The following ROBO1 variants were observed in gnomAD, a reference collection of about 807,000 sequenced individuals.
The protein encoded by ROBO1 is roundabout homolog 1.
A neutral mutation model predicts 195.9 loss-of-function variants in ROBO1; 149 were observed. The observed-to-expected ratio is 0.76, with a 90% CI of 0.67 to 0.87. The LOEUF is 0.87. Ranked by LOEUF, ROBO1 falls within the 40% of genes least tolerant of loss-of-function variation. The pLI, the probability that ROBO1 is intolerant of heterozygous loss-of-function variation, is 0.00. For synonymous variants in ROBO1, 816 were observed against 733.2 expected, an observed-to-expected ratio of 1.11 and a Z score of -1.82; for missense variants, 1,933 against 2,068.3, an observed-to-expected ratio of 0.93 and a Z score of 1.27.
At chr3:79,138,843 T>C (rs140693415) in intron 2 of ROBO1, among the ~76,000 whole-genome samples, 5 of 152,000 alleles carry the variant, frequency 3.3e-5, no homozygotes, top group Admixed American at 6.6e-5. Context: ...GACATAAATA[T>C]AAGTATAGAT....
At chr3:79,461,498 T>C (rs898987948) in intron 2 of ROBO1, among the ~76,000 whole-genome samples, 1 of 152,136 alleles carries the variant, frequency 6.6e-6, no homozygotes, top group Non-Finnish European at 1.5e-5. Flanking sequence ...GCATCAAGCA[T>C]GAGAGTGAAG....
chr3:79,553,545 G>A (rs1942596848), intron 2 of ROBO1, among the ~76,000 whole-genome samples: 2 of 152,050 alleles, frequency 1.3e-5, no homozygotes, highest in South Asian at 4.1e-4. Context: ...AGTGTTTACT[G>A]TGTGGTCATA....
At position 79,369,296 on chromosome 3, in the gene ROBO1, C is replaced by T. The variant is rs532024392; in HGVS notation, c.88+220528G>A. ...CTGCTAATCACATAGAAATCTAAAT[C>T]CCTCCTGTGGAAAAAATAAACATGG... On this transcript the variant is annotated intron_variant, in intron 2 of 30. Coordinates refer to ENST00000464233, the MANE Select transcript of ROBO1 (RefSeq NM_002941.4). Among the ~76,000 whole-genome samples the T allele has an allele frequency of 4.6e-5, 7 of 152,278 alleles. No individual in the cohort carries two copies. The South Asian group carries it at 1.0e-3, about 23-fold the overall frequency.
chr3:79,150,467 G>A (rs1006680447), intron 2 of ROBO1, among the ~76,000 whole-genome samples: 3 of 151,356 alleles, frequency 2.0e-5, no homozygotes, highest in Non-Finnish European at 4.4e-5. Context: ...TGCCATTGGA[G>A]GTATTTAAAA....
At position 78,938,666 on chromosome 3, in the gene ROBO1, T is replaced by TA; in HGVS notation, c.433dup (p.Tyr145LeufsTer27). ...AAGGTAATTCCTTGCTACACAGACA[T>TA]AGACTCCTTCATCAGGTCTACTTTT... On this transcript the variant is annotated frameshift_variant, in exon 4 of 31. Coordinates refer to ENST00000464233, the MANE Select transcript of ROBO1 (RefSeq NM_002941.4). LOFTEE classifies it high-confidence loss of function. The TA allele has an allele frequency of 1.2e-6, 2 of 1,613,970 alleles. No homozygotes were observed. The highest frequency in any genetic ancestry group is 1.7e-6 in the Non-Finnish European group (2 of 1,179,886).
chr3:79,477,212 A>T (rs770850552), intron 2 of ROBO1, among the ~76,000 whole-genome samples: 5 of 152,190 alleles, frequency 3.3e-5, no homozygotes, highest in Non-Finnish European at 7.4e-5. Flanking sequence ...TAATATAGGC[A>T]TATCATTATT....
At chr3:79,544,248 T>C (rs1942181670) in intron 2 of ROBO1, among the ~76,000 whole-genome samples, 1 of 151,980 alleles carries the variant, frequency 6.6e-6, no homozygotes, top group African/African-American at 2.4e-5. Flanking sequence ...CTAATCTACA[T>C]TAATATATAT....
intron 2 of ROBO1, among the ~76,000 whole-genome samples, chr3:79,471,330 C>A (rs1311133788): frequency 6.6e-6 from 1 of 152,066 alleles, no homozygotes; most frequent in African/African-American, 2.4e-5. Context: ...CAGGCTTTTG[C>A]ACAGCAAAGA....
intron 4 of ROBO1, among the ~76,000 whole-genome samples, chr3:78,902,257 T>G (rs1038480989): frequency 3.3e-5 from 5 of 152,158 alleles, no homozygotes; most frequent in African/African-American, 7.2e-5. Flanking sequence ...AGCAGAGGTG[T>G]TTTTAGTATG....
intron 4 of ROBO1, among the ~76,000 whole-genome samples, chr3:78,838,437 G>A (rs1441364303): frequency 6.6e-6 from 1 of 152,024 alleles, no homozygotes; most frequent in East Asian, 1.9e-4. Context: ...ACTTACAAAG[G>A]AAAAAAGGGT....
At chr3:78,744,397 G>A (rs77862438) in intron 5 of ROBO1, among the ~76,000 whole-genome samples, 11,367 of 152,122 alleles carry the variant, frequency 0.075, 877 homozygotes, top group African/African-American at 0.2. Context: ...CTCTACCATT[G>A]CCACGTTTCA....
chr3:78,989,200 A>G (rs2077179439), intron 3 of ROBO1, among the ~76,000 whole-genome samples: 2 of 152,230 alleles, frequency 1.3e-5, no homozygotes, highest in Admixed American at 1.3e-4. Context: ...ACACAAAGAA[A>G]TAATAAATGT....
chr3:79,380,274 T>A (rs1020592787), intron 2 of ROBO1, among the ~76,000 whole-genome samples: 4 of 152,208 alleles, frequency 2.6e-5, no homozygotes, highest in Non-Finnish European at 5.9e-5. Flanking sequence ...TGTAAAACTC[T>A]ATCTTTCCCA....
rs1001308783 is a variant in ROBO1 at position 79,320,489 on chromosome 3, A to T, written c.89-194950T>A. On this transcript the variant is annotated intron_variant, in intron 2 of 30. Transcript: ENST00000464233. ...ACTACAGGTGTGTACCATCATGCCC[A>T]GCTAATTTTTGTAGTTTTTTTGCAG... 3.3e-5 allele frequency among the ~76,000 whole-genome samples: 5 copies of T among 152,050 alleles called. No individual in the cohort carries two copies. In the East Asian group the frequency reaches 9.6e-4, roughly 29 times the overall value.
At chr3:78,779,255 T>C (rs543155550) in intron 4 of ROBO1, among the ~76,000 whole-genome samples, 7 of 152,036 alleles carry the variant, frequency 4.6e-5, no homozygotes, top group African/African-American at 1.7e-4. Context: ...AATTGACAAA[T>C]AGGATCTAAT....
At chr3:78,896,845 G>T (rs1035922955) in intron 4 of ROBO1, among the ~76,000 whole-genome samples, 5 of 152,066 alleles carry the variant, frequency 3.3e-5, no homozygotes, top group Admixed American at 2.6e-4. Flanking sequence ...GGGGTAGGGT[G>T]GGACAAGAAA....
intron 4 of ROBO1, among the ~76,000 whole-genome samples, chr3:78,747,525 C>T (rs1288526683): frequency 2.6e-5 from 4 of 152,062 alleles, no homozygotes; most frequent in African/African-American, 9.7e-5. Context: ...TAGAAGGCAC[C>T]AATATGGATA....
chr3:79,145,231 A>G (rs922452716), intron 2 of ROBO1, among the ~76,000 whole-genome samples: 5 of 152,052 alleles, frequency 3.3e-5, no homozygotes, highest in African/African-American at 1.2e-4. Flanking sequence ...TATAAACACC[A>G]TAAAACTATA....
At position 78,814,444 on chromosome 3, in the gene ROBO1, T is replaced by C. The variant is rs182210057; in HGVS notation, c.500-67544A>G. 3.9e-4 allele frequency among the ~76,000 whole-genome samples: 60 copies of C among 152,156 alleles called. 2 individuals carry two copies. Among genetic ancestry groups the C allele is most frequent in the Admixed American group, 2.4e-3 (36 of 15,270 alleles). ...TTTTATAGCACATGTCAATCCACACTAGCCCCATTTCAAGGGCCCAAGAGC... is the reference window on the plus strand; with the variant it reads ...TTTTATAGCACATGTCAATCCACACCAGCCCCATTTCAAGGGCCCAAGAGC... On this transcript the variant is annotated intron_variant, in intron 4 of 30. Transcript: ENST00000464233.
Sources: allele counts gnomAD v4.1 joint callset (sites outside exome capture counted in the v4.1 genomes callset), GRCh38; gene constraint gnomAD v4.1.1; transcripts MANE v1.5; gene names NCBI Gene and HGNC (gene_info 2026-07-23, HGNC 2026-07-21).